The following ISOC1 variants were observed in gnomAD, a reference collection of about 807,000 sequenced individuals.
The protein encoded by ISOC1 is isochorismatase domain-containing protein 1.
In ISOC1, 33 loss-of-function variants were observed where a neutral mutation model predicts 30.0. That is an observed-to-expected ratio of 1.10 (90% CI 0.83 to 1.47). The LOEUF is 1.47. Among genes scored for constraint, ISOC1 ranks in the 40% most tolerant of loss-of-function variants. ISOC1 has a pLI of 0.00. For missense variants in ISOC1, 372 were observed against 388.0 expected (o/e 0.96, Z 0.35); for synonymous variants, 178 against 159.8 (o/e 1.11, Z -0.86).
chr5:129,095,370 C>T (rs1753483355), intron 1 of ISOC1, among the ~76,000 whole-genome samples: 1 of 152,210 alleles, frequency 6.6e-6, no homozygotes, highest in Non-Finnish European at 1.5e-5. Flanking sequence ...CCCGCATCCG[C>T]TTTTTATGCC....
intron 4 of ISOC1, 53 bp from the exon 5 acceptor site, chr5:129,112,802 T>C: frequency 6.3e-7 from 1 of 1,578,052 alleles, no homozygotes; most frequent in Admixed American, 1.8e-5. Context: ...TCTTCTGAAA[T>C]AGTGTTCATT....
At chr5:129,101,473 C>T (rs757850291) in intron 1 of ISOC1, among the ~76,000 whole-genome samples, 7 of 151,864 alleles carry the variant, frequency 4.6e-5, no homozygotes, top group East Asian at 1.9e-4. Context: ...CCAGCCTGGG[C>T]GACAGAGTGA....
intron 1 of ISOC1, among the ~76,000 whole-genome samples, chr5:129,096,425 G>A (rs775366569): frequency 1.3e-5 from 2 of 152,112 alleles, no homozygotes; most frequent in Non-Finnish European, 2.9e-5. Context: ...TGCCAGAAGT[G>A]TCCAAAGCAG....
intron 1 of ISOC1, among the ~76,000 whole-genome samples, chr5:129,100,340 T>C (rs779189651): frequency 3.3e-5 from 5 of 152,144 alleles, no homozygotes; most frequent in Non-Finnish European, 7.3e-5. Context: ...AGACAAAATA[T>C]TTATACTTGA....
intron 4 of ISOC1, among the ~76,000 whole-genome samples, chr5:129,112,072 A>T (rs1025574220): frequency 6.6e-6 from 1 of 152,222 alleles, no homozygotes; most frequent in Admixed American, 6.5e-5. Flanking sequence ...TGGGTGCAGT[A>T]AAAAGAAATT....
chr5:129,098,685 G>A (rs190399253), intron 1 of ISOC1, among the ~76,000 whole-genome samples: 2,916 of 152,284 alleles, frequency 0.019, 60 homozygotes, highest in Admixed American at 0.024. Context: ...ACATAGCAGG[G>A]AAGGCTTTGG....
At chr5:129,102,441 C>T (rs1753584056) in intron 1 of ISOC1, among the ~76,000 whole-genome samples, 1 of 152,040 alleles carries the variant, frequency 6.6e-6, no homozygotes, top group East Asian at 1.9e-4. Context: ...TGATGCAGTC[C>T]CCTGTCCAGA....
At chr5:129,105,473 C>T in intron 3 of ISOC1, 85 bp downstream of exon 3, 1 of 1,130,402 alleles carries the variant, frequency 8.8e-7, no homozygotes, top group Non-Finnish European at 1.3e-6. Context: ...ATATGGTATG[C>T]CAGGTAGGCA....
chr5:129,112,246 G>T (rs1387680226), intron 4 of ISOC1, among the ~76,000 whole-genome samples: 2 of 152,110 alleles, frequency 1.3e-5, no homozygotes, highest in Non-Finnish European at 2.9e-5. Context: ...TTTAAAACAT[G>T]AAGAGCTACA....
intron 4 of ISOC1, among the ~76,000 whole-genome samples, chr5:129,108,154 C>T (rs1056521829): frequency 2.6e-5 from 4 of 152,196 alleles, no homozygotes; most frequent in Non-Finnish European, 5.9e-5. Context: ...GGCCTGTGAA[C>T]TGCCTTGTCT....
rs3798112 is a variant in ISOC1, at chr5:129,102,686, T to C, written c.310-2270T>C. 5.4e-3 allele frequency among the ~76,000 whole-genome samples: 816 copies of C among 152,354 alleles called. 34 individuals are homozygous for C. The East Asian group carries it at 0.11, about 21-fold the overall frequency. On this transcript the variant is annotated intron_variant, in intron 1 of 4. Coordinates refer to ENST00000173527, the MANE Select transcript of ISOC1 (RefSeq NM_016048.2). ...TATAAGTTAGAACAGCTTTTTACTC[T>C]TCCACTGGAGGTCTAGACTGTAGCA...
At chr5:129,099,520 T>G (rs1203421854) in intron 1 of ISOC1, among the ~76,000 whole-genome samples, 3 of 152,234 alleles carry the variant, frequency 2.0e-5, no homozygotes, top group Admixed American at 2.0e-4. Context: ...CCCTGATCTG[T>G]TTTTCCAGGA....
Position 129,113,084 on chromosome 5 carries a change from T to A in ISOC1, c.*83T>A. ...TAAGCCCACACAAGCTCTTCTTATCTCTACTAGAATTAAAATGTTAAGTCA... is the reference window on the plus strand; with the variant it reads ...TAAGCCCACACAAGCTCTTCTTATCACTACTAGAATTAAAATGTTAAGTCA... On this transcript the variant is annotated 3_prime_UTR_variant, in exon 5 of 5. Coordinates refer to ENST00000173527, the MANE Select transcript of ISOC1 (RefSeq NM_016048.2). The A allele has an allele frequency of 6.3e-6, 8 of 1,275,422 alleles. No homozygotes were observed. Among genetic ancestry groups the A allele is most frequent in the Non-Finnish European group, 8.5e-6 (8 of 941,084 alleles). 79.0% of individuals were successfully genotyped at this position (1,275,422 alleles called of 1,614,324 possible).
intron 1 of ISOC1, 35 bp from the exon 2 acceptor site, chr5:129,104,921 C>A: frequency 1.2e-6 from 2 of 1,601,908 alleles, no homozygotes; most frequent in Non-Finnish European, 1.7e-6. Flanking sequence ...CATTGTACAA[C>A]AAGTGCTAAA....
rs753306978 is a variant in ISOC1, at chr5:129,094,828, C to T, written c.62C>T (p.Ala21Val). ...AACAGCGGCGCCGGGGGCGCGGGGG[C>T]GCCGTCGGGCACAGTCCCGGTGCTC... Reference protein sequence around the residue: ...LPNSGAGGAGAPSGTVPVLFC... With the variant: ...LPNSGAGGAGVPSGTVPVLFC... The change falls in exon 1 of 5, where the codon GCG becomes GTG. Residue 21 changes from alanine (A) to valine (V), a missense_variant. By Grantham distance (64) the Ala-to-Val change is moderately conservative. Coordinates refer to ENST00000173527, the MANE Select transcript of ISOC1 (RefSeq NM_016048.2). 98 of 1,544,086 alleles carry T rather than the reference C, an allele frequency of 6.3e-5. No homozygotes were observed. Among genetic ancestry groups the T allele is most frequent in the Non-Finnish European group, 8.4e-5 (96 of 1,148,418 alleles).
At chr5:129,112,717 C>T in intron 4 of ISOC1, 138 bp from the exon 5 acceptor site, 2 of 830,216 alleles carry the variant, frequency 2.4e-6, no homozygotes, top group Non-Finnish European at 1.9e-6. Flanking sequence ...ATCCCCATCA[C>T]TGAACTTGAT....
At chr5:129,098,755 A>G (rs17163708) in intron 1 of ISOC1, among the ~76,000 whole-genome samples, 30,167 of 152,114 alleles carry the variant, frequency 0.2, 3,024 homozygotes, top group Middle Eastern at 0.25. Flanking sequence ...ACCTTTTCCC[A>G]AGATGGTTAA....
intron 1 of ISOC1, among the ~76,000 whole-genome samples, chr5:129,103,972 C>T (rs1488265503): frequency 1.3e-5 from 2 of 152,098 alleles, no homozygotes; most frequent in Non-Finnish European, 2.9e-5. Context: ...AGTAAATTCT[C>T]ATATTTAATG....
intron 1 of ISOC1, 62 bp downstream of exon 1, chr5:129,095,137 T>A (rs1753479749): frequency 1.4e-6 from 2 of 1,438,798 alleles, no homozygotes; most frequent in East Asian, 2.6e-5. Flanking sequence ...CCCGTCCCTG[T>A]CCCCGCCTTC....
Sources: gnomAD v4.1 joint callset for allele counts (sites outside exome capture counted in the v4.1 genomes callset) on GRCh38, gnomAD v4.1.1 for gene constraint, MANE v1.5 for transcripts, NCBI Gene and HGNC (gene_info 2026-07-23, HGNC 2026-07-21) for gene names.